HOXA3: variants seen among roughly 807,000 people sequenced by gnomAD.
HOXA3 encodes the protein homeobox protein Hox-A3.
HOXA3 carries 8 observed loss-of-function variants against 30.3 expected under a neutral mutation model. The ratio of observed to expected loss-of-function variants is 0.26; its 90% confidence interval spans 0.15 to 0.48. The LOEUF (loss-of-function observed/expected upper bound fraction) is 0.48, where lower values mean the gene tolerates loss of function less well. HOXA3 is among the 20% of genes least tolerant of loss of function. The pLI is 0.99. For missense variants in HOXA3, 653 were observed against 614.4 expected (o/e 1.06, Z -0.66); for synonymous variants, 323 against 273.1 (o/e 1.18, Z -1.80).
chr7:27,144,290 C>A (rs1782679320), intron 1 of HOXA3, among the ~76,000 whole-genome samples: 1 of 152,122 alleles, frequency 6.6e-6, no homozygotes. Context: ...AAATCCTGCC[C>A]GCAGCAGCAG....
intron 1 of HOXA3, chr7:27,147,368 C>T (rs753984515): frequency 3.1e-6 from 5 of 1,614,200 alleles, no homozygotes; most frequent in Non-Finnish European, 4.2e-6. Flanking sequence ...TTCCGGTCGG[C>T]GCCTTCGTCA....
intron 4 of HOXA3, among the ~76,000 whole-genome samples, chr7:27,118,766 A>G (rs181474484): frequency 1.3e-5 from 2 of 152,350 alleles, no homozygotes; most frequent in South Asian, 2.1e-4. Flanking sequence ...ACAGGCCAGT[A>G]TATCAAAAGG....
At chr7:27,142,421 G>A (rs1032803419) in intron 1 of HOXA3, among the ~76,000 whole-genome samples, 3 of 152,134 alleles carry the variant, frequency 2.0e-5, no homozygotes, top group African/African-American at 7.2e-5. Flanking sequence ...AGAAACCCAG[G>A]AAGCAAGGCC....
chr7:27,143,332 G>A (rs778171938), intron 1 of HOXA3: 1 of 1,594,992 alleles, frequency 6.3e-7, no homozygotes, highest in Non-Finnish European at 8.5e-7. Flanking sequence ...GAGAGTGCGT[G>A]GACGTGGCCG....
chr7:27,108,476 C>A lies in HOXA3; in HGVS notation c.771G>T (p.Thr257=), dbSNP rs1359540110. 1 of 1,614,112 alleles carries A rather than the reference C, an allele frequency of 6.2e-7. No homozygotes were observed. Among genetic ancestry groups the A allele is most frequent in the Admixed American group, 1.7e-5 (1 of 60,026 alleles). The stretch of plus-strand genomic sequence containing the variant: ...GACTTGGAGACTGGCCCCCCGATGA[C>A]GTTAGCATGCCCTTGCCCTTCTGAT... ...KKDQKGKGML[T]SSGGQSPSRS... is the part of the protein sequence containing the mutation. The change falls in exon 6 of 6, where the codon ACG becomes ACT. Residue 257 remains threonine (T), a synonymous_variant. Transcript: ENST00000612286. This position sits in a 1 kb window ranked among gnomAD's most constrained non-coding sequence, Gnocchi z 5.0.
intron 1 of HOXA3, chr7:27,141,113 CAAAAAAAAAAAAA>C (rs147485948): frequency 9.6e-5 from 8 of 82,942 alleles, no homozygotes; most frequent in African/African-American, 3.9e-4. Context: ...AAAACAAATA[CAAAAAAAAAAAAA>C]AAAAAAAAAA....
At chr7:27,143,641 C>A in intron 1 of HOXA3, 1 of 1,556,768 alleles carries the variant, frequency 6.4e-7, no homozygotes, top group Non-Finnish European at 8.7e-7. Context: ...ATTTGTGGCT[C>A]GCGGTCGTTT....
intron 1 of HOXA3, among the ~76,000 whole-genome samples, chr7:27,149,642 G>T (rs1258735042): frequency 2.0e-5 from 3 of 152,224 alleles, no homozygotes; most frequent in African/African-American, 7.2e-5. Flanking sequence ...GGTTTACTTT[G>T]CATATAAAGC....
At chr7:27,140,224 T>G (rs1044592344) in intron 1 of HOXA3, 38 bp from the exon 2 acceptor site, 1 of 152,056 alleles carries the variant, frequency 6.6e-6, no homozygotes, top group African/African-American at 2.4e-5. Context: ...GTTAGTGAGA[T>G]TATATGTTAT....
intron 1 of HOXA3, chr7:27,147,201 T>A (rs1257264647): frequency 8.6e-7 from 1 of 1,165,000 alleles, no homozygotes; most frequent in Non-Finnish European, 1.2e-6. Context: ...GCTGGTTCTT[T>A]CATCCTTTCT....
intron 2 of HOXA3, among the ~76,000 whole-genome samples, chr7:27,132,769 A>G (rs1280715493): frequency 6.6e-6 from 1 of 152,228 alleles, no homozygotes; most frequent in African/African-American, 2.4e-5. Flanking sequence ...TATAAAATGT[A>G]ATATAAATAA....
At chr7:27,144,616 C>G (rs1250896328) in intron 1 of HOXA3, among the ~76,000 whole-genome samples, 1 of 152,204 alleles carries the variant, frequency 6.6e-6, no homozygotes, top group Non-Finnish European at 1.5e-5. Context: ...CTCCCTGCAG[C>G]CACAGAGGCT....
chr7:27,130,453 C>T (rs1318604293), intron 2 of HOXA3: 3 of 1,223,446 alleles, frequency 2.5e-6, no homozygotes, highest in Non-Finnish European at 3.1e-6. Context: ...GTCCGCGGCC[C>T]CATGCGCGGG....
intron 1 of HOXA3, chr7:27,151,740 G>A (rs1017777956): frequency 4.4e-6 from 2 of 455,944 alleles, no homozygotes; most frequent in South Asian, 3.1e-5. Flanking sequence ...CCACGGAGTA[G>A]AAAGTGCTGT....
intron 2 of HOXA3, chr7:27,130,550 G>C: frequency 7.2e-7 from 1 of 1,391,698 alleles, no homozygotes; most frequent in Non-Finnish European, 9.4e-7. Context: ...CCGCCCGCGT[G>C]AGGGAGCTGG....
At chr7:27,142,562 T>C (rs1384619622) in intron 1 of HOXA3, among the ~76,000 whole-genome samples, 1 of 152,152 alleles carries the variant, frequency 6.6e-6, no homozygotes, top group Non-Finnish European at 1.5e-5. Flanking sequence ...TCTCTCTCCC[T>C]CCTGCCCCCA....
At chr7:27,114,851 T>C in intron 4 of HOXA3, among the ~76,000 whole-genome samples, 1 of 108,722 alleles carries the variant, frequency 9.2e-6, no homozygotes, top group African/African-American at 3.2e-5. Context: ...ATATAATATA[T>C]ATTATATATA....
At chr7:27,130,569 C>T in intron 2 of HOXA3, 2 of 1,444,120 alleles carry the variant, frequency 1.4e-6, no homozygotes, top group Non-Finnish European at 1.8e-6. Context: ...GGGGCTGCTG[C>T]AGCGGCAGGT....
intron 1 of HOXA3, chr7:27,145,891 GGC>G: frequency 1.9e-6 from 3 of 1,613,016 alleles, no homozygotes; most frequent in Non-Finnish European, 2.5e-6. Context: ...TGGCGGCCTC[GGC>G]GCCCATGGCT....
Sources: allele counts gnomAD v4.1 joint callset (sites outside exome capture counted in the v4.1 genomes callset), GRCh38; gene constraint gnomAD v4.1.1; non-coding constraint Gnocchi (gnomAD v3.1); transcripts MANE v1.5; gene names NCBI Gene and HGNC (gene_info 2026-07-23, HGNC 2026-07-21).